GRIK4: variants seen among roughly 807,000 people sequenced by gnomAD.
The protein encoded by GRIK4 is glutamate ionotropic receptor kainate type subunit 4, also known as glutamate receptor ionotropic, kainate 4.
Under a neutral mutation model 104.9 loss-of-function variants are expected in GRIK4, and 40 were observed. The observed-to-expected ratio is 0.38, with a 90% CI of 0.30 to 0.50. The LOEUF is 0.50. Among genes scored for constraint, GRIK4 ranks in the 20% least tolerant of loss-of-function variants. The pLI, the probability that GRIK4 is intolerant of heterozygous loss-of-function variation, is 0.93. For synonymous variants in GRIK4, 485 were observed against 524.9 expected (o/e 0.92, Z 1.04); for missense variants, 1,047 against 1,308.1 (o/e 0.80, Z 3.08).
intron 11 of GRIK4, among the ~76,000 whole-genome samples, chr11:120,888,004 G>A (rs1955169934): frequency 6.6e-6 from 1 of 152,062 alleles, no homozygotes; most frequent in Non-Finnish European, 1.5e-5. Context: ...AGCTGGTTGG[G>A]AAGCCAGAAC....
intron 3 of GRIK4, among the ~76,000 whole-genome samples, chr11:120,677,012 GATC>G (rs1205343904): frequency 6.6e-6 from 1 of 152,184 alleles, no homozygotes; most frequent in Admixed American, 6.5e-5. Context: ...TTACTCCTGT[GATC>G]ATCAACCATT....
chr11:120,782,317 G>A (rs1313211916), intron 3 of GRIK4, among the ~76,000 whole-genome samples: 1 of 139,124 alleles, frequency 7.2e-6, no homozygotes, highest in African/African-American at 2.8e-5. Context: ...ACGGAGTCTC[G>A]CTCTGTCGCC....
intron 8 of GRIK4, among the ~76,000 whole-genome samples, chr11:120,842,759 G>T (rs146336240): frequency 6.6e-6 from 1 of 152,252 alleles, no homozygotes; most frequent in Non-Finnish European, 1.5e-5. Flanking sequence ...CAGCCTCTGG[G>T]TTTGGTTGGG....
At chr11:120,659,683 T>A (rs551695927) in intron 2 of GRIK4, among the ~76,000 whole-genome samples, 2 of 152,264 alleles carry the variant, frequency 1.3e-5, no homozygotes, top group Admixed American at 6.5e-5. Flanking sequence ...AACTCTCCCA[T>A]CCCTTCCTCT....
chr11:120,660,442 C>T (rs766063805), intron 3 of GRIK4, 42 bp downstream of exon 3: 19 of 1,446,846 alleles, frequency 1.3e-5, no homozygotes, highest in Admixed American at 5.0e-5. Context: ...CACCCACTAT[C>T]CCAGGTGTCC....
chr11:120,567,822 C>G (rs1948349917), intron 1 of GRIK4, among the ~76,000 whole-genome samples: 1 of 152,176 alleles, frequency 6.6e-6, no homozygotes, highest in Non-Finnish European at 1.5e-5. Flanking sequence ...GTCTTATGTT[C>G]TATTCCCCTT....
chr11:120,518,733 C>A (rs908481495), intron 1 of GRIK4, among the ~76,000 whole-genome samples: 2 of 152,180 alleles, frequency 1.3e-5, no homozygotes, highest in Non-Finnish European at 2.9e-5. Flanking sequence ...ATTCTCCTGC[C>A]TCAGCCTCCT....
intron 3 of GRIK4, among the ~76,000 whole-genome samples, chr11:120,673,021 C>T (rs1405759617): frequency 1.3e-5 from 2 of 152,194 alleles, no homozygotes; most frequent in Non-Finnish European, 2.9e-5. Context: ...AAAGGGTATG[C>T]TCCCAGCTTT....
At chr11:120,921,575 G>A (rs981512779) in intron 13 of GRIK4, among the ~76,000 whole-genome samples, 7 of 149,038 alleles carry the variant, frequency 4.7e-5, no homozygotes, top group African/African-American at 9.7e-5. Flanking sequence ...TCCCGCTTGC[G>A]CGCACTTCCT....
chr11:120,765,561 C>T (rs912609659), intron 3 of GRIK4, among the ~76,000 whole-genome samples: 4 of 152,128 alleles, frequency 2.6e-5, no homozygotes, highest in African/African-American at 9.7e-5. Context: ...GAATTTTCAG[C>T]CTTTTTGTGC....
At chr11:120,603,895 G>T (rs1323979563) in intron 1 of GRIK4, among the ~76,000 whole-genome samples, 1 of 150,034 alleles carries the variant, frequency 6.7e-6, no homozygotes, top group Admixed American at 6.7e-5. Context: ...CCCTGGCCGG[G>T]TGCGGTGGCT....
chr11:120,719,699 A>AT (rs1460386976), intron 3 of GRIK4, among the ~76,000 whole-genome samples: 1 of 152,204 alleles, frequency 6.6e-6, no homozygotes, highest in Non-Finnish European at 1.5e-5. Context: ...GTAAAGAGGT[A>AT]TTTAATCTGA....
At chr11:120,806,353 A>G (rs994383712) in intron 4 of GRIK4, among the ~76,000 whole-genome samples, 2 of 152,120 alleles carry the variant, frequency 1.3e-5, no homozygotes, top group Non-Finnish European at 2.9e-5. Context: ...GGCTTGATGC[A>G]TCTGATAGCT....
At chr11:120,829,476 G>A (rs1437378591) in intron 6 of GRIK4, among the ~76,000 whole-genome samples, 1 of 152,148 alleles carries the variant, frequency 6.6e-6, no homozygotes, top group Admixed American at 6.5e-5. Flanking sequence ...AAACTCCTGA[G>A]GGCAGGGACT....
At chr11:120,573,574 CAG>C (rs1295700082) in intron 1 of GRIK4, among the ~76,000 whole-genome samples, 3 of 152,134 alleles carry the variant, frequency 2.0e-5, no homozygotes, top group Non-Finnish European at 4.4e-5. Context: ...AAGAGGTACA[CAG>C]GGGATGGAGA....
Position 120,511,863 on chromosome 11 carries a change from G to A in GRIK4, c.-183G>A. The A allele has an allele frequency of 3.0e-6, 1 of 335,022 alleles. No homozygotes were observed. The highest frequency in any genetic ancestry group is 6.1e-6 in the Non-Finnish European group (1 of 164,038). The allele number at this position is 335,022 out of a possible 1,614,324, so 20.8% of individuals were successfully genotyped here. Reference sequence around the variant, plus strand: ...CCGGCAGCGCCCGGCCCCCGGCTCAGCCCCCGGAGTGCGGAGCCGACCAGG... The same window carrying A: ...CCGGCAGCGCCCGGCCCCCGGCTCAACCCCCGGAGTGCGGAGCCGACCAGG... On this transcript the variant is annotated 5_prime_UTR_variant, in exon 1 of 21. Transcript: ENST00000527524.
At chr11:120,900,924 AG>A (rs1278651278) in intron 12 of GRIK4, among the ~76,000 whole-genome samples, 1 of 152,076 alleles carries the variant, frequency 6.6e-6, no homozygotes, top group East Asian at 1.9e-4. Context: ...ACTTTGGGGG[AG>A]GGGGTGCAGC....
chr11:120,982,291 A>G, intron 20 of GRIK4, 67 bp downstream of exon 20: 1 of 854,056 alleles, frequency 1.2e-6, no homozygotes, highest in South Asian at 1.4e-5. Context: ...GCTCATGCAC[A>G]TATAAGGTTA....
intron 1 of GRIK4, among the ~76,000 whole-genome samples, chr11:120,546,107 G>C (rs1948083256): frequency 6.6e-6 from 1 of 152,170 alleles, no homozygotes; most frequent in South Asian, 2.1e-4. Flanking sequence ...TGGCCCTGAG[G>C]TACAGCCGTT....
Sources: allele counts gnomAD v4.1 joint callset (sites outside exome capture counted in the v4.1 genomes callset), GRCh38; gene constraint gnomAD v4.1.1; transcripts MANE v1.5; gene names NCBI Gene and HGNC (gene_info 2026-07-23, HGNC 2026-07-21).